ADAMTSL1: variants seen among roughly 807,000 people sequenced by gnomAD.
ADAMTSL1 encodes ADAMTS-like protein 1.
A neutral mutation model predicts 201.8 loss-of-function variants in ADAMTSL1; 126 were observed. The observed-to-expected ratio is 0.62, with a 90% CI of 0.54 to 0.72. The LOEUF is 0.72. ADAMTSL1 is among the 30% of genes least tolerant of loss of function. ADAMTSL1 has a pLI of 0.00. For synonymous variants in ADAMTSL1, 1,121 were observed against 903.4 expected (o/e 1.24, Z -4.32); for missense variants, 2,679 against 2,277.8 (o/e 1.18, Z -3.59).
intron 3 of ADAMTSL1, among the ~76,000 whole-genome samples, chr9:18,552,660 G>T (rs1167065674): frequency 6.6e-6 from 1 of 151,610 alleles, no homozygotes; most frequent in Non-Finnish European, 1.5e-5. Flanking sequence ...AGGTTAATTT[G>T]CCAATTTCAC....
intron 2 of ADAMTSL1, among the ~76,000 whole-genome samples, chr9:18,219,343 T>TTTTA (rs57023892): frequency 0.021 from 3,081 of 145,462 alleles, 47 homozygotes; most frequent in African/African-American, 0.034. Context: ...TACATTTTAT[T>TTTTA]TTTATTTATT....
intron 1 of ADAMTSL1, among the ~76,000 whole-genome samples, chr9:18,000,356 C>T (rs1819562056): frequency 6.6e-6 from 1 of 151,884 alleles, no homozygotes; most frequent in South Asian, 2.1e-4. Flanking sequence ...TCCTTCCCCC[C>T]AACATAATTA....
chr9:18,290,833 G>A (rs537649981), intron 2 of ADAMTSL1, among the ~76,000 whole-genome samples: 3 of 149,352 alleles, frequency 2.0e-5, no homozygotes, highest in African/African-American at 7.5e-5. Flanking sequence ...CCAGGCTGGA[G>A]TGCAGTGGCG....
chr9:18,093,975 A>G (rs1008143705), intron 1 of ADAMTSL1, among the ~76,000 whole-genome samples: 1 of 152,176 alleles, frequency 6.6e-6, no homozygotes, highest in Non-Finnish European at 1.5e-5. Flanking sequence ...GTTGGAAAGT[A>G]AGAGGCTCCC....
At chr9:18,468,646 C>A (rs1394201572) in intron 2 of ADAMTSL1, among the ~76,000 whole-genome samples, 1 of 152,180 alleles carries the variant, frequency 6.6e-6, no homozygotes, top group Non-Finnish European at 1.5e-5. Context: ...AAAGTTTCAG[C>A]AATTTATTTC....
chr9:18,111,481 T>C (rs1264993606), intron 1 of ADAMTSL1, among the ~76,000 whole-genome samples: 1 of 152,136 alleles, frequency 6.6e-6, no homozygotes, highest in Non-Finnish European at 1.5e-5. Flanking sequence ...TTAAACTATT[T>C]TATGTGCTTA....
intron 4 of ADAMTSL1, among the ~76,000 whole-genome samples, chr9:18,581,776 G>GA (rs1433944792): frequency 6.6e-6 from 1 of 152,120 alleles, no homozygotes; most frequent in Non-Finnish European, 1.5e-5. Context: ...TACCGAGCAG[G>GA]AAAAAAATCC....
chr9:18,424,521 C>A (rs1819114600), intron 2 of ADAMTSL1, among the ~76,000 whole-genome samples: 1 of 152,064 alleles, frequency 6.6e-6, no homozygotes, highest in Non-Finnish European at 1.5e-5. Context: ...AGATAATTCT[C>A]CAGGATAGCC....
intron 1 of ADAMTSL1, among the ~76,000 whole-genome samples, chr9:18,036,470 A>G (rs1821200533): frequency 6.6e-6 from 1 of 152,228 alleles, no homozygotes; most frequent in African/African-American, 2.4e-5. Flanking sequence ...AACTCTAGGT[A>G]TAATATCACA....
intron 9 of ADAMTSL1, among the ~76,000 whole-genome samples, chr9:18,674,411 A>G (rs947523087): frequency 3.3e-5 from 5 of 152,020 alleles, no homozygotes; most frequent in Non-Finnish European, 7.4e-5. Flanking sequence ...GACTTCTCTC[A>G]TGTATCCCCT....
Position 18,777,574 on chromosome 9 carries a change from C to T in ADAMTSL1, c.3345C>T (p.His1115=). 1.2e-6 allele frequency: 2 copies of T among 1,610,114 alleles called. No individual in the cohort carries two copies. The highest frequency in any genetic ancestry group is 2.7e-5 in the African/African-American group (2 of 74,944). Residue 1115 remains histidine, a synonymous_variant, in exon 19 of 29, where the codon CAC becomes CAT. Transcript: ENST00000380548. ...AQEIFRSHLE[H]QDTLLKPSER... is the part of the protein sequence containing the mutation. ...AGATCTTCCGCAGCCACCTGGAGCA[C>T]CAGGACACGCTCCTGAAGCCCTCGG...
intron 20 of ADAMTSL1, among the ~76,000 whole-genome samples, chr9:18,812,697 T>A (rs527304062): frequency 1.3e-5 from 2 of 152,300 alleles, no homozygotes; most frequent in African/African-American, 4.8e-5. Flanking sequence ...AAATCTTTGA[T>A]CCATTTTTAA....
At position 18,090,859 on chromosome 9, in the gene ADAMTSL1, C is replaced by T. The variant is rs112474044; in HGVS notation, c.88-73003C>T. ...TGCCTTCTCTCCTTCCTCCCCCTGGCGTTTTCCTTGCTTTTTTCTGGTGGT... is the reference window on the plus strand; with the variant it reads ...TGCCTTCTCTCCTTCCTCCCCCTGGTGTTTTCCTTGCTTTTTTCTGGTGGT... On this transcript the variant is annotated intron_variant, in intron 1 of 29. Coordinates refer to the ADAMTSL1 transcript ENST00000680146. Among the ~76,000 whole-genome samples, 595 of 152,120 alleles carry T rather than the reference C, an allele frequency of 3.9e-3. 3 individuals are homozygous for T. The highest frequency in any genetic ancestry group is 0.014 in the African/African-American group (563 of 41,488).
chr9:18,176,201 A>T (rs893420737), intron 2 of ADAMTSL1, among the ~76,000 whole-genome samples: 2 of 152,038 alleles, frequency 1.3e-5, no homozygotes, highest in African/African-American at 4.8e-5. Context: ...TTATCATTTT[A>T]TACATATAGA....
chr9:18,184,949 A>G (rs923376499), intron 2 of ADAMTSL1, among the ~76,000 whole-genome samples: 2 of 152,174 alleles, frequency 1.3e-5, no homozygotes, highest in African/African-American at 2.4e-5. Context: ...TTTGCATTTC[A>G]TACTAAGCAG....
chr9:18,688,225 G>A (rs972665529), intron 13 of ADAMTSL1, among the ~76,000 whole-genome samples: 5 of 151,764 alleles, frequency 3.3e-5, no homozygotes, highest in Admixed American at 3.3e-4. Context: ...CTGGGTTCAA[G>A]CTATTCTCAT....
At chr9:18,734,558 G>A (rs536441493) in intron 15 of ADAMTSL1, among the ~76,000 whole-genome samples, 30 of 152,196 alleles carry the variant, frequency 2.0e-4, no homozygotes, top group Admixed American at 7.2e-4. Flanking sequence ...ACCCTGGGCC[G>A]CGCACTAACA....
chr9:18,758,775 G>A (rs550118302), intron 16 of ADAMTSL1, among the ~76,000 whole-genome samples: 3 of 152,214 alleles, frequency 2.0e-5, no homozygotes, highest in East Asian at 3.9e-4. Flanking sequence ...CACAAGTACC[G>A]GGGATTGAGA....
In ADAMTSL1 at chr9:18,698,289, T is replaced by A. The variant is rs142474423; in HGVS notation, c.1575-8458T>A. ...GTCCTGAGGCACTGCAATATTTTAA[T>A]TTTTTTTTTGAGACAGAGTCTTGCT... is the stretch of plus-strand genomic sequence containing the variant. On this transcript the variant is annotated intron_variant, in intron 13 of 28. Coordinates refer to ENST00000380548, the MANE Select transcript of ADAMTSL1 (RefSeq NM_001040272.6). Among the ~76,000 whole-genome samples the A allele has an allele frequency of 4.7e-3, 705 of 150,294 alleles. 3 individuals carry two copies. The highest frequency in any genetic ancestry group is 0.016 in the African/African-American group (670 of 41,026).
Sources: gnomAD v4.1 joint callset for allele counts (sites outside exome capture counted in the v4.1 genomes callset) on GRCh38, gnomAD v4.1.1 for gene constraint, MANE v1.5 for transcripts, NCBI Gene and HGNC (gene_info 2026-07-23, HGNC 2026-07-21) for gene names.